The following SGCD variants were observed in gnomAD, a reference collection of about 807,000 sequenced individuals.
The protein encoded by SGCD is sarcoglycan delta, also known as delta-sarcoglycan.
In SGCD, 18 loss-of-function variants were observed where a neutral mutation model predicts 36.6. The observed-to-expected ratio is 0.49, with a 90% confidence interval of 0.34 to 0.73. SGCD has a LOEUF of 0.73. Ranked by LOEUF, SGCD falls within the 30% of genes least tolerant of loss-of-function variation. The pLI, the probability that SGCD is intolerant of heterozygous loss-of-function variation, is 0.01. For synonymous variants in SGCD, 133 were observed against 130.6 expected, an observed-to-expected ratio of 1.02 and a Z score of -0.12; for missense variants, 387 against 346.7, an observed-to-expected ratio of 1.12 and a Z score of -0.92.
chr5:156,111,642 G>T (rs1051726734), intron 1 of SGCD, among the ~76,000 whole-genome samples: 2 of 149,952 alleles, frequency 1.3e-5, no homozygotes, highest in African/African-American at 5.0e-5. Flanking sequence ...GCCCTGATGT[G>T]TAGCTAGTCA....
At chr5:156,541,168 G>T (rs1758334665) in intron 4 of SGCD, among the ~76,000 whole-genome samples, 1 of 152,184 alleles carries the variant, frequency 6.6e-6, no homozygotes, top group Non-Finnish European at 1.5e-5. Flanking sequence ...AAAAAAAGCT[G>T]ATGCTATTAG....
intron 3 of SGCD, among the ~76,000 whole-genome samples, chr5:156,443,719 C>T (rs1753605772): frequency 6.6e-6 from 1 of 151,758 alleles, no homozygotes; most frequent in Non-Finnish European, 1.5e-5. Flanking sequence ...TCATGAACTT[C>T]TCTGGGATTC....
intron 3 of SGCD, among the ~76,000 whole-genome samples, chr5:156,142,919 G>C (rs929640252): frequency 2.6e-5 from 4 of 152,190 alleles, no homozygotes; most frequent in African/African-American, 7.2e-5. Context: ...ATTCAAATAG[G>C]CTGCAGAAAT....
chr5:156,612,277 T>C (rs1480296361), intron 6 of SGCD, among the ~76,000 whole-genome samples: 3 of 152,250 alleles, frequency 2.0e-5, no homozygotes, highest in South Asian at 2.1e-4. Context: ...GAATGGTGCA[T>C]TGGCTTTTGT....
chr5:156,545,007 T>C (rs990783465), intron 4 of SGCD, among the ~76,000 whole-genome samples: 2 of 152,218 alleles, frequency 1.3e-5, no homozygotes, highest in East Asian at 3.9e-4. Context: ...TTGGGTGTTT[T>C]GTTTCCTTTC....
intron 1 of SGCD, among the ~76,000 whole-genome samples, chr5:155,917,940 G>A (rs189517293): frequency 1.2e-4 from 18 of 152,154 alleles, no homozygotes; most frequent in Admixed American, 1.2e-3. Flanking sequence ...GGAGTTAATG[G>A]TTTCATTTAC....
intron 3 of SGCD, among the ~76,000 whole-genome samples, chr5:156,261,491 GTAT>G (rs1459383143): frequency 6.6e-6 from 1 of 152,152 alleles, no homozygotes; most frequent in Non-Finnish European, 1.5e-5. Flanking sequence ...TCAGTGCAAC[GTAT>G]TACTCACGTG....
At chr5:156,423,282 A>ATAATATAATATAATATTG in intron 3 of SGCD, among the ~76,000 whole-genome samples, 1 of 104,968 alleles carries the variant, frequency 9.5e-6, no homozygotes, top group East Asian at 2.5e-4. Flanking sequence ...ACATTATATT[A>ATAATATAATATAATATTG]TATTTTATTA....
At chr5:156,377,216 C>A (rs1441962114) in intron 3 of SGCD, among the ~76,000 whole-genome samples, 3 of 152,090 alleles carry the variant, frequency 2.0e-5, no homozygotes, top group Non-Finnish European at 4.4e-5. Flanking sequence ...CTTAATATTG[C>A]CAGCATTAAG....
intron 1 of SGCD, among the ~76,000 whole-genome samples, chr5:155,943,710 A>G (rs1332471450): frequency 6.6e-6 from 1 of 152,132 alleles, no homozygotes; most frequent in Non-Finnish European, 1.5e-5. Flanking sequence ...GGGTTGCTCA[A>G]CCCTACAGGA....
chr5:156,609,266 C>T (rs1761655793), intron 6 of SGCD, among the ~76,000 whole-genome samples: 1 of 152,014 alleles, frequency 6.6e-6, no homozygotes, highest in African/African-American at 2.4e-5. Context: ...TCAGCATTTG[C>T]TTGTCTGTAA....
chr5:156,241,421 A>G (rs1284063261), intron 3 of SGCD, among the ~76,000 whole-genome samples: 1 of 152,226 alleles, frequency 6.6e-6, no homozygotes, highest in Non-Finnish European at 1.5e-5. Flanking sequence ...GTTAGATCAC[A>G]AATTTCTCTC....
upstream of SGCD, among the ~76,000 whole-genome samples, chr5:155,866,539 T>C (rs1275072855): frequency 1.3e-5 from 2 of 152,204 alleles, no homozygotes; most frequent in Non-Finnish European, 2.9e-5. Context: ...ATATGTGTTT[T>C]ACAAATGAAG....
chr5:156,311,942 G>A (rs1767399904), intron 3 of SGCD, among the ~76,000 whole-genome samples: 1 of 151,956 alleles, frequency 6.6e-6, no homozygotes. Flanking sequence ...TTTTTCTTGA[G>A]AGCCAGTGTA....
At chr5:155,909,484 A>T (rs1041836615) in intron 1 of SGCD, among the ~76,000 whole-genome samples, 1 of 152,144 alleles carries the variant, frequency 6.6e-6, no homozygotes, top group Non-Finnish European at 1.5e-5. Flanking sequence ...TTATTGAGGG[A>T]AAGCTTTATC....
At chr5:155,892,594 A>G (rs1449397767) in intron 1 of SGCD, among the ~76,000 whole-genome samples, 2 of 152,068 alleles carry the variant, frequency 1.3e-5, no homozygotes, top group South Asian at 2.1e-4. Context: ...CAGATCTTAT[A>G]GTACTTCATC....
At chr5:156,007,424 G>A (rs1758779753) in intron 1 of SGCD, among the ~76,000 whole-genome samples, 1 of 152,148 alleles carries the variant, frequency 6.6e-6, no homozygotes, top group African/African-American at 2.4e-5. Context: ...TCTAGTGCAT[G>A]AAAGAAAAAC....
the SGCD span, among the ~76,000 whole-genome samples, chr5:155,843,691 A>G: frequency 3.9e-5 from 6 of 152,206 alleles, no homozygotes; most frequent in Non-Finnish European, 7.3e-5. Context: ...GGCTCAAGGC[A>G]AGATAATCTG....
intron 1 of SGCD, among the ~76,000 whole-genome samples, chr5:155,905,457 C>T (rs1205166213): frequency 6.6e-6 from 1 of 151,996 alleles, no homozygotes; most frequent in African/African-American, 2.4e-5. Flanking sequence ...ACTCTTAGGC[C>T]CAACCTGATG....
Sources: gnomAD v4.1 joint callset for allele counts (sites outside exome capture counted in the v4.1 genomes callset) on GRCh38, gnomAD v4.1.1 for gene constraint, MANE v1.5 for transcripts, NCBI Gene and HGNC (gene_info 2026-07-23, HGNC 2026-07-21) for gene names.